The following SNX13 variants were observed in gnomAD, a reference collection of about 807,000 sequenced individuals.
The protein encoded by SNX13 is sorting nexin 13.
SNX13 carries 45 observed loss-of-function variants against 133.6 expected under a neutral mutation model. That is an observed-to-expected ratio of 0.34 (90% confidence interval 0.27 to 0.43). SNX13 has a LOEUF of 0.43. Ranked by LOEUF, SNX13 falls within the 20% of genes least tolerant of loss-of-function variation. The probability of loss-of-function intolerance (pLI) is 1.00; values close to 1 mark genes in which losing one functional copy is unlikely to be tolerated. For missense variants in SNX13, 1,032 were observed against 1,145.1 expected, an observed-to-expected ratio of 0.90 and a Z score of 1.43; for synonymous variants, 414 against 373.9, an observed-to-expected ratio of 1.11 and a Z score of -1.24.
intron 2 of SNX13, among the ~76,000 whole-genome samples, chr7:17,895,181 G>A (rs2714870): frequency 0.44 from 66,823 of 151,956 alleles, 15,102 homozygotes; most frequent in South Asian, 0.65. Context: ...TGTAACGATA[G>A]GAAGACAAGA....
Position 17,791,690 on chromosome 7 carries a change from T to A in SNX13, c.*2355A>T, listed in dbSNP as rs932470061. The A allele has an allele frequency of 6.6e-6, 1 of 152,096 alleles. No individual in the cohort carries two copies. The highest frequency in any genetic ancestry group is 1.5e-5 in the Non-Finnish European group (1 of 67,960). 9.4% of individuals were successfully genotyped at this position (152,096 alleles called of 1,614,324 possible). A position where few individuals can be genotyped will look rare whatever the true frequency, so the allele number is the denominator to read the frequency against. On this transcript the variant is annotated 3_prime_UTR_variant, in exon 26 of 26. Coordinates refer to ENST00000428135, the MANE Select transcript of SNX13 (RefSeq NM_015132.5). ...ACATAAAGCCTCTTCATGTATATAT[T>A]CATATATGCAATAAATGCATTAAAT...
intron 5 of SNX13, among the ~76,000 whole-genome samples, chr7:17,877,688 G>GT (rs1473683660): frequency 2.0e-5 from 3 of 151,918 alleles, no homozygotes; most frequent in Admixed American, 6.6e-5. Context: ...TATAGAGGAT[G>GT]TAATGACATT....
chr7:17,908,771 C>T (rs915526848), intron 1 of SNX13, among the ~76,000 whole-genome samples: 22 of 152,110 alleles, frequency 1.4e-4, no homozygotes, highest in African/African-American at 4.8e-4. Context: ...AGACAACATA[C>T]ATATAATTAC....
chr7:17,818,520 T>C (rs532358282), intron 18 of SNX13, among the ~76,000 whole-genome samples: 1 of 152,130 alleles, frequency 6.6e-6, no homozygotes, highest in African/African-American at 2.4e-5. Flanking sequence ...TATTAACTCA[T>C]CATAAACTTG....
chr7:17,843,262 C>G (rs1790115699), intron 12 of SNX13, among the ~76,000 whole-genome samples: 2 of 151,728 alleles, frequency 1.3e-5, no homozygotes, highest in Admixed American at 1.3e-4. Context: ...AAACAGTAAC[C>G]AAAATAGAGC....
intron 1 of SNX13, among the ~76,000 whole-genome samples, chr7:17,912,095 T>G (rs2128021230): frequency 6.6e-6 from 1 of 152,314 alleles, no homozygotes; most frequent in East Asian, 1.9e-4. Context: ...CTCTGCAAGC[T>G]TTAATTCAAG....
At chr7:17,939,124 G>A (rs1936169808) in intron 1 of SNX13, among the ~76,000 whole-genome samples, 1 of 152,130 alleles carries the variant, frequency 6.6e-6, no homozygotes, top group African/African-American at 2.4e-5. Context: ...GTTCCTCAAA[G>A]TTAGTCACGT....
chr7:17,824,855 C>T (rs1195805452), intron 17 of SNX13, among the ~76,000 whole-genome samples: 1 of 150,748 alleles, frequency 6.6e-6, no homozygotes, highest in Non-Finnish European at 1.5e-5. Context: ...TTGAAACCTC[C>T]ACCTCCCGGG....
chr7:17,831,650 A>T (rs900803699), intron 15 of SNX13: 21 of 984,326 alleles, frequency 2.1e-5, no homozygotes, highest in Non-Finnish European at 2.5e-5. Context: ...ACTTTAAAAA[A>T]ATCAGCTGTA....
chr7:17,906,579 C>A (rs1388619805), intron 1 of SNX13, among the ~76,000 whole-genome samples: 3 of 152,022 alleles, frequency 2.0e-5, no homozygotes, highest in Non-Finnish European at 4.4e-5. Context: ...TACTCCTTAA[C>A]TTCCTCTCAT....
intron 1 of SNX13, among the ~76,000 whole-genome samples, chr7:17,905,707 G>T (rs899090342): frequency 6.6e-6 from 1 of 152,100 alleles, no homozygotes; most frequent in African/African-American, 2.4e-5. Flanking sequence ...GTACCCACAG[G>T]GAAAGTACTC....
intron 12 of SNX13, among the ~76,000 whole-genome samples, chr7:17,842,046 G>C (rs1446342157): frequency 6.6e-6 from 1 of 151,934 alleles, no homozygotes; most frequent in Non-Finnish European, 1.5e-5. Context: ...AAGGAGAAGA[G>C]AGAAACAGGC....
intron 20 of SNX13, among the ~76,000 whole-genome samples, chr7:17,805,248 T>TGTGTGTGTGTGTGC (rs1554304244): frequency 1.1e-5 from 1 of 89,322 alleles, no homozygotes; most frequent in Non-Finnish European, 2.6e-5. Flanking sequence ...TGTGTGTGTG[T>TGTGTGTGTGTGTGC]GTGCGTGCGC....
Position 17,834,166 on chromosome 7 carries a change from G to A in SNX13, c.1483C>T (p.Arg495Ter). The A allele has an allele frequency of 1.9e-6, 3 of 1,584,546 alleles. No homozygotes were observed. The highest frequency in any genetic ancestry group is 2.6e-6 in the Non-Finnish European group (3 of 1,161,472). ...IQRKVYELML[R>*]DERFYPSFRQ... ...AAGGAAGGATAAAATCTTTCATCTC[G>A]TAGCATCAATTCATATACCTTGGTG... Residue 495 changes from arginine to a stop codon, truncating the protein, a stop_gained, in exon 15 of 26, where the codon CGA (arginine) becomes TGA (stop). Transcript: ENST00000428135. LOFTEE classifies it high-confidence loss of function.
chr7:17,929,663 T>A (rs1321793087), intron 1 of SNX13, among the ~76,000 whole-genome samples: 1 of 152,272 alleles, frequency 6.6e-6, no homozygotes, highest in African/African-American at 2.4e-5. Flanking sequence ...GTCAGAAAAC[T>A]ACAATAATAG....
intron 20 of SNX13, among the ~76,000 whole-genome samples, chr7:17,810,583 C>A (rs939537014): frequency 1.3e-5 from 2 of 152,192 alleles, no homozygotes; most frequent in Non-Finnish European, 2.9e-5. Flanking sequence ...GACAGAGGAG[C>A]TGGTACCGTT....
intron 5 of SNX13, among the ~76,000 whole-genome samples, chr7:17,886,655 G>T (rs1256906024): frequency 6.6e-6 from 1 of 151,952 alleles, no homozygotes; most frequent in African/African-American, 2.4e-5. Flanking sequence ...ATGATGGAGG[G>T]ATTTACCACC....
chr7:17,799,226 T>C, intron 22 of SNX13, 72 bp from the exon 23 acceptor site: 1 of 1,264,014 alleles, frequency 7.9e-7, no homozygotes, highest in Non-Finnish European at 1.1e-6. Context: ...TTGTTGCTTT[T>C]ACGAAATGAT....
At chr7:17,895,762 T>TA (rs1190125681) in intron 2 of SNX13, among the ~76,000 whole-genome samples, 2 of 152,146 alleles carry the variant, frequency 1.3e-5, no homozygotes, top group Non-Finnish European at 2.9e-5. Flanking sequence ...ATTAAAAACT[T>TA]AAAAAATTAA....
Sources: gnomAD v4.1 joint callset for allele counts (sites outside exome capture counted in the v4.1 genomes callset) on GRCh38, gnomAD v4.1.1 for gene constraint, MANE v1.5 for transcripts, NCBI Gene and HGNC (gene_info 2026-07-23, HGNC 2026-07-21) for gene names.